Variants in LRCH2 observed in about 807,000 individuals in gnomAD.
LRCH2 encodes leucine rich repeats and calponin homology domain containing 2.
In LRCH2, 38 loss-of-function variants were observed where a neutral mutation model predicts 68.9. That is an observed-to-expected ratio of 0.55 (90% CI 0.43 to 0.72). LRCH2 has a LOEUF of 0.72. Among genes scored for constraint, LRCH2 ranks in the 30% least tolerant of loss-of-function variants. The pLI is 0.00. For missense variants in LRCH2, 528 were observed against 572.9 expected (o/e 0.92, Z 0.80); for synonymous variants, 191 against 208.1 (o/e 0.92, Z 0.71).
Position 115,191,538 on chromosome X carries a change from C to G in LRCH2, c.350-3168G>C, listed in dbSNP as rs1259708023. ...GGGGCCACGACAGTTCCAGCCAGAG[C>G]AACCGCTATGGAGGAGGCGGCCGCT... On this transcript the variant is annotated intron_variant, in intron 1 of 20. Transcript: ENST00000317135. The G allele has an allele frequency of 2.8e-5, 31 of 1,118,768 alleles. No homozygotes were observed. Among genetic ancestry groups the G allele is most frequent in the Admixed American group, 2.0e-4 (7 of 34,722 alleles). The allele number at this position is 1,118,768 out of a possible 1,213,427, so 92.2% of individuals were successfully genotyped here.
At chrX:115,185,498 C>T (rs1487518596) in intron 2 of LRCH2, among the ~76,000 whole-genome samples, 1 of 111,794 alleles carries the variant, frequency 8.9e-6, no homozygotes, top group Non-Finnish European at 1.9e-5. Flanking sequence ...ATTCCATTTA[C>T]ATACTAACAA....
intron 20 of LRCH2, among the ~76,000 whole-genome samples, chrX:115,122,147 A>C (rs782056895): frequency 9.2e-6 from 1 of 108,947 alleles, no homozygotes; most frequent in Admixed American, 9.9e-5. Flanking sequence ...CACTGAATGC[A>C]AATCTTCCAA....
intron 14 of LRCH2, among the ~76,000 whole-genome samples, chrX:115,133,336 A>C (rs1184269333): frequency 1.8e-5 from 2 of 112,214 alleles, no homozygotes; most frequent in African/African-American, 6.5e-5. Context: ...GTGAAGGAAG[A>C]AGCAGGGTGG....
chrX:115,168,551 CT>C (rs2072582097), intron 6 of LRCH2, among the ~76,000 whole-genome samples: 1 of 111,488 alleles, frequency 9.0e-6, no homozygotes, highest in Non-Finnish European at 1.9e-5. Flanking sequence ...TTTCTTTTTA[CT>C]TTTTTCAAAA....
chrX:115,180,191 A>G (rs1434295136), intron 3 of LRCH2, among the ~76,000 whole-genome samples: 1 of 111,642 alleles, frequency 9.0e-6, no homozygotes, highest in East Asian at 2.8e-4. Flanking sequence ...ATAAATGTGC[A>G]CTGGCGAAAC....
intron 11 of LRCH2, among the ~76,000 whole-genome samples, chrX:115,162,888 C>A (rs781818704): frequency 1.4e-4 from 16 of 110,946 alleles, no homozygotes; most frequent in African/African-American, 4.2e-4. Flanking sequence ...CAAAAAAAAA[C>A]CATTCAGATC....
chrX:115,212,144 A>G (rs782253669), intron 1 of LRCH2, among the ~76,000 whole-genome samples: 11,555 of 111,175 alleles, frequency 0.1, 464 homozygotes, highest in African/African-American at 0.11. Context: ...ATGCTAGCAG[A>G]AGACATGAGA....
intron 14 of LRCH2, among the ~76,000 whole-genome samples, chrX:115,132,362 T>C (rs2806263): frequency 9.0e-6 from 1 of 111,712 alleles, no homozygotes; most frequent in African/African-American, 3.3e-5. Flanking sequence ...TTCTTGTTTT[T>C]GTCAGGTTTG....
intron 14 of LRCH2, among the ~76,000 whole-genome samples, chrX:115,146,413 T>A (rs1569513178): frequency 9.0e-6 from 1 of 110,742 alleles, no homozygotes; most frequent in Non-Finnish European, 1.9e-5. Context: ...CATCTCAAAA[T>A]AACTAAGAGT....
intron 12 of LRCH2, among the ~76,000 whole-genome samples, chrX:115,153,660 A>G (rs1391130386): frequency 1.8e-5 from 2 of 111,288 alleles, no homozygotes; most frequent in Non-Finnish European, 3.8e-5. Context: ...AAATAAGTAT[A>G]CTGTTCTAAG....
chrX:115,140,704 G>C (rs1308900640), intron 14 of LRCH2, among the ~76,000 whole-genome samples: 1 of 111,516 alleles, frequency 9.0e-6, no homozygotes, highest in Non-Finnish European at 1.9e-5. Context: ...CGGGCTAGCA[G>C]AACCTCCCAT....
At chrX:115,192,240 C>T in intron 1 of LRCH2, 1 of 1,165,921 alleles carries the variant, frequency 8.6e-7, no homozygotes, top group Non-Finnish European at 1.1e-6. Context: ...TCAACAGTTC[C>T]AACAACAGTC....
chrX:115,125,811 T>C (rs2072195545), intron 16 of LRCH2, among the ~76,000 whole-genome samples: 1 of 106,619 alleles, frequency 9.4e-6, no homozygotes, highest in Non-Finnish European at 1.9e-5. Context: ...GTAAAAGAAT[T>C]ACAAAAGCAT....
intron 6 of LRCH2, among the ~76,000 whole-genome samples, chrX:115,167,845 G>C (rs1294597305): frequency 9.0e-6 from 1 of 111,401 alleles, no homozygotes; most frequent in Non-Finnish European, 1.9e-5. Flanking sequence ...GAGAAATTAA[G>C]TAGTTAAACC....
intron 5 of LRCH2, among the ~76,000 whole-genome samples, chrX:115,172,856 CCTT>C (rs1480700074): frequency 5.5e-5 from 6 of 108,619 alleles, no homozygotes; most frequent in African/African-American, 2.0e-4. Flanking sequence ...GAAGAATTCC[CCTT>C]TTTTTAGTTT....
At chrX:115,124,045 C>T in intron 16 of LRCH2, 43 bp from the exon 17 acceptor site, 1 of 762,659 alleles carries the variant, frequency 1.3e-6, no homozygotes. Context: ...AATAATAAAA[C>T]TTCTTTTCTT....
At chrX:115,185,701 G>A (rs139289598) in intron 2 of LRCH2, among the ~76,000 whole-genome samples, 8 of 111,344 alleles carry the variant, frequency 7.2e-5, no homozygotes, top group Middle Eastern at 4.6e-3. Flanking sequence ...TAATAACACG[G>A]CACAAACAAA....
intron 1 of LRCH2, among the ~76,000 whole-genome samples, chrX:115,226,623 A>G (rs1442587172): frequency 9.0e-6 from 1 of 111,554 alleles, no homozygotes; most frequent in African/African-American, 3.3e-5. Context: ...AATGAAACTG[A>G]TCTGAAAGCT....
At chrX:115,196,171 T>G (rs1387556698) in intron 1 of LRCH2, among the ~76,000 whole-genome samples, 1 of 111,525 alleles carries the variant, frequency 9.0e-6, no homozygotes, top group Non-Finnish European at 1.9e-5. Context: ...GATGAGTTAC[T>G]GCAGAGGCTT....
Sources: gnomAD v4.1 joint callset for allele counts (sites outside exome capture counted in the v4.1 genomes callset) on GRCh38, gnomAD v4.1.1 for gene constraint, MANE v1.5 for transcripts, NCBI Gene and HGNC (gene_info 2026-07-23, HGNC 2026-07-21) for gene names.